The following SDK1 variants were observed in gnomAD, a reference collection of about 807,000 sequenced individuals.
SDK1 encodes sidekick cell adhesion molecule 1, also known as protein sidekick-1.
Under a neutral mutation model 245.5 loss-of-function variants are expected in SDK1, and 157 were observed. That is an observed-to-expected ratio of 0.64 (90% CI 0.56 to 0.73). The LOEUF (loss-of-function observed/expected upper bound fraction) is 0.73. Among genes scored for constraint, SDK1 ranks in the 30% least tolerant of loss-of-function variants. The pLI, the probability that SDK1 is intolerant of heterozygous loss-of-function variation, is 0.00. For synonymous variants in SDK1, 1,647 were observed against 1,278.5 expected (o/e 1.29, Z -6.15); for missense variants, 3,583 against 3,002.3 (o/e 1.19, Z -4.52).
intron 4 of SDK1, among the ~76,000 whole-genome samples, chr7:3,797,363 T>C (rs1376628349): frequency 6.6e-6 from 1 of 151,900 alleles, no homozygotes; most frequent in Non-Finnish European, 1.5e-5. Context: ...TCTCTTTCCC[T>C]CCACATATAT....
At chr7:3,914,469 C>T (rs972260554) in intron 5 of SDK1, among the ~76,000 whole-genome samples, 4 of 152,288 alleles carry the variant, frequency 2.6e-5, no homozygotes, top group South Asian at 2.1e-4. Context: ...CTAAGATTAA[C>T]GGCTTAGAGG....
intron 1 of SDK1, among the ~76,000 whole-genome samples, chr7:3,497,596 A>G (rs1782065046): frequency 6.6e-6 from 1 of 152,234 alleles, no homozygotes; most frequent in Non-Finnish European, 1.5e-5. Flanking sequence ...CAGAAATAAC[A>G]TTTAATTATG....
intron 22 of SDK1, among the ~76,000 whole-genome samples, chr7:4,085,708 C>T (rs1162655198): frequency 2.6e-5 from 4 of 152,140 alleles, no homozygotes; most frequent in African/African-American, 4.8e-5. Context: ...GTGCTCGCCA[C>T]CACGCCTGGC....
chr7:3,335,163 A>G (rs538664427), intron 1 of SDK1, among the ~76,000 whole-genome samples: 6 of 152,316 alleles, frequency 3.9e-5, no homozygotes, highest in African/African-American at 1.4e-4. Flanking sequence ...TCCAGTTGCC[A>G]GAGTGACATA....
intron 5 of SDK1, among the ~76,000 whole-genome samples, chr7:3,894,318 G>C (rs992775625): frequency 1.3e-5 from 2 of 152,048 alleles, no homozygotes; most frequent in African/African-American, 4.8e-5. Flanking sequence ...TTGCCTTCTC[G>C]ACTGGAGGCT....
intron 43 of SDK1, 145 bp from the exon 44 acceptor site, chr7:4,245,531 T>C: frequency 1.2e-6 from 1 of 850,026 alleles, no homozygotes; most frequent in Middle Eastern, 3.7e-4. Flanking sequence ...GCTCAGAATT[T>C]TTTGCATCAG....
intron 1 of SDK1, among the ~76,000 whole-genome samples, chr7:3,330,826 A>AC (rs1028287460): frequency 6.6e-6 from 1 of 151,062 alleles, no homozygotes; most frequent in African/African-American, 2.4e-5. Context: ...AAAAAAAAAA[A>AC]AACCAGGTGT....
intron 42 of SDK1, among the ~76,000 whole-genome samples, chr7:4,239,349 T>C (rs1014764209): frequency 6.6e-6 from 1 of 152,246 alleles, no homozygotes; most frequent in Non-Finnish European, 1.5e-5. Context: ...TCACAGGTGC[T>C]AAATGTGCTC....
At chr7:3,719,717 G>A (rs1428374484) in intron 4 of SDK1, among the ~76,000 whole-genome samples, 5 of 152,136 alleles carry the variant, frequency 3.3e-5, no homozygotes, top group Admixed American at 2.6e-4. Context: ...GGTGGCTCAC[G>A]CCTGTAATCC....
chr7:3,890,085 A>G (rs1420984687), intron 5 of SDK1, among the ~76,000 whole-genome samples: 1 of 152,154 alleles, frequency 6.6e-6, no homozygotes, highest in Non-Finnish European at 1.5e-5. Context: ...TCTGTCCCTC[A>G]TTTTACAGAT....
At chr7:3,597,067 G>A (rs1439961359) in intron 1 of SDK1, among the ~76,000 whole-genome samples, 2 of 151,732 alleles carry the variant, frequency 1.3e-5, no homozygotes, top group South Asian at 2.1e-4. Context: ...TCAGGAGATC[G>A]AAACCATCCT....
chr7:3,437,910 C>T (rs1052354705), intron 1 of SDK1, among the ~76,000 whole-genome samples: 1 of 152,168 alleles, frequency 6.6e-6, no homozygotes, highest in East Asian at 1.9e-4. Context: ...AAAGAGAGAA[C>T]GCAGTGGTAA....
chr7:3,516,361 C>T (rs1782751910), intron 1 of SDK1, among the ~76,000 whole-genome samples: 1 of 152,040 alleles, frequency 6.6e-6, no homozygotes, highest in Non-Finnish European at 1.5e-5. Context: ...TATGTCATAC[C>T]ATCCTGCTGG....
intron 1 of SDK1, among the ~76,000 whole-genome samples, chr7:3,488,092 A>G (rs566458923): frequency 1.3e-3 from 203 of 152,220 alleles, no homozygotes; most frequent in African/African-American, 4.7e-3. Flanking sequence ...TTTTCAGTTC[A>G]ACTCTTGTGC....
chr7:3,702,989 T>C (rs1172973304), intron 4 of SDK1, among the ~76,000 whole-genome samples: 1 of 147,472 alleles, frequency 6.8e-6, no homozygotes, highest in Non-Finnish European at 1.5e-5. Context: ...CTGGTGGAGA[T>C]ATAAATTGGT....
Position 3,971,455 on chromosome 7 carries a change from G to C in SDK1, c.1715-11G>C, listed in dbSNP as rs908857910. 6.3e-7 allele frequency: 1 copy of C among 1,599,722 alleles called. No homozygotes were observed. Among genetic ancestry groups the C allele is most frequent in the African/African-American group, 1.3e-5 (1 of 74,710 alleles). On this transcript the variant is annotated splice_polypyrimidine_tract_variant and intron_variant, in intron 11 of 44. Transcript: ENST00000404826. ...TCATTTCGTCTGACTCGTGACTTGT[G>C]TTTTTTTCAGATCGGACGTCCATCG...
At chr7:3,483,820 G>C (rs1002611078) in intron 1 of SDK1, among the ~76,000 whole-genome samples, 1 of 152,008 alleles carries the variant, frequency 6.6e-6, no homozygotes, top group African/African-American at 2.4e-5. Context: ...AAATTCATTG[G>C]AACATTTCTT....
At chr7:3,420,397 C>G (rs1779504064) in intron 1 of SDK1, among the ~76,000 whole-genome samples, 2 of 152,154 alleles carry the variant, frequency 1.3e-5, no homozygotes, top group Non-Finnish European at 2.9e-5. Context: ...TTGGATTTTT[C>G]CTTTCTCACC....
intron 35 of SDK1, among the ~76,000 whole-genome samples, chr7:4,202,427 G>C (rs1260193527): frequency 6.6e-6 from 1 of 152,192 alleles, no homozygotes; most frequent in Non-Finnish European, 1.5e-5. Flanking sequence ...AGCAGCCCCC[G>C]TGTGACTGGC....
Sources: gnomAD v4.1 joint callset for allele counts (sites outside exome capture counted in the v4.1 genomes callset) on GRCh38, gnomAD v4.1.1 for gene constraint, MANE v1.5 for transcripts, NCBI Gene and HGNC (gene_info 2026-07-23, HGNC 2026-07-21) for gene names.